Variants in FGF12 observed in about 807,000 individuals in gnomAD.
The protein encoded by FGF12 is fibroblast growth factor 12.
FGF12 carries 14 observed loss-of-function variants against 23.6 expected under a neutral mutation model. That is an observed-to-expected ratio of 0.59 (90% confidence interval 0.39 to 0.93). FGF12 has a LOEUF of 0.93. Ranked by LOEUF, FGF12 falls within the 40% of genes least tolerant of loss-of-function variation. The pLI, the probability that FGF12 is intolerant of heterozygous loss-of-function variation, is 0.00. For synonymous variants in FGF12, 62 were observed against 77.3 expected, an observed-to-expected ratio of 0.80 and a Z score of 1.04; for missense variants, 175 against 217.8, an observed-to-expected ratio of 0.80 and a Z score of 1.24.
intron 2 of FGF12, among the ~76,000 whole-genome samples, chr3:192,620,547 G>A (rs1324451123): frequency 6.6e-6 from 1 of 152,148 alleles, no homozygotes; most frequent in Non-Finnish European, 1.5e-5. Flanking sequence ...CCAACCTGCT[G>A]CCCAAGCTTC....
chr3:192,414,080 G>T (rs1206419668), intron 2 of FGF12, among the ~76,000 whole-genome samples: 1 of 152,116 alleles, frequency 6.6e-6, no homozygotes, highest in African/African-American at 2.4e-5. Context: ...ACAGAAAAGA[G>T]AACAGATTTA....
At chr3:192,498,863 G>A (rs1160275265) in intron 2 of FGF12, among the ~76,000 whole-genome samples, 1 of 152,210 alleles carries the variant, frequency 6.6e-6, no homozygotes, top group African/African-American at 2.4e-5. Context: ...AACACAGACT[G>A]AAAAGTTTCT....
chr3:192,323,982 C>T (rs1173185661), intron 4 of FGF12, among the ~76,000 whole-genome samples: 1 of 151,952 alleles, frequency 6.6e-6, no homozygotes, highest in Non-Finnish European at 1.5e-5. Flanking sequence ...GTCCCTGCTA[C>T]TTGGGAGGCT....
intron 4 of FGF12, among the ~76,000 whole-genome samples, chr3:192,311,538 T>A (rs976482803): frequency 6.6e-6 from 1 of 152,186 alleles, no homozygotes; most frequent in Non-Finnish European, 1.5e-5. Flanking sequence ...ATTTATCCAT[T>A]CATCAGTTGA....
chr3:192,256,434 A>G (rs1712398127), intron 4 of FGF12, among the ~76,000 whole-genome samples: 1 of 151,650 alleles, frequency 6.6e-6, no homozygotes, highest in Admixed American at 6.6e-5. Flanking sequence ...AGATATTTAC[A>G]TATTTTATGT....
In FGF12 at chr3:192,471,719, G is replaced by A. The variant is rs117863795; in HGVS notation, c.14-111181C>T. Among the ~76,000 whole-genome samples the A allele has an allele frequency of 6.6e-5, 10 of 152,304 alleles. No homozygotes were observed. In the East Asian group the frequency reaches 1.9e-3, roughly 29 times the overall value. ...CTCAAAGTGAGCTGGGATATTCTGA[G>A]CCATGGCTAATTTATGCTCAAAATG... is the stretch of plus-strand genomic sequence containing the variant. On this transcript the variant is annotated intron_variant, in intron 2 of 5. Coordinates refer to ENST00000445105, the MANE Select transcript of FGF12 (RefSeq NM_004113.6).
chr3:192,459,596 C>G (rs943935409), intron 2 of FGF12, among the ~76,000 whole-genome samples: 2 of 152,106 alleles, frequency 1.3e-5, no homozygotes, highest in African/African-American at 4.8e-5. Flanking sequence ...AAAAACAAGG[C>G]ATCATTCTGC....
chr3:192,519,265 A>G (rs1436155324), intron 2 of FGF12, among the ~76,000 whole-genome samples: 2 of 152,206 alleles, frequency 1.3e-5, no homozygotes, highest in African/African-American at 4.8e-5. Flanking sequence ...TCAATCTGTG[A>G]TGGTCCCTCA....
Position 192,140,576 on chromosome 3 carries a change from CTCTTG to C in FGF12, c.*3428_*3432del, listed in dbSNP as rs751718269. 1 of 152,000 alleles carries C rather than the reference CTCTTG, an allele frequency of 6.6e-6. No homozygotes were observed. The highest frequency in any genetic ancestry group is 2.4e-5 in the African/African-American group (1 of 41,428). The allele number at this position is 152,000 out of a possible 1,614,324, so 9.4% of individuals were successfully genotyped here. On this transcript the variant is annotated 3_prime_UTR_variant, in exon 6 of 6. Transcript: ENST00000445105. ...ACCTTTAAGTCTTTCCTTGTCCTTACTCTTGTCTTAATACTCTCATCTCCCACTAG... is the reference window on the plus strand; with the variant it reads ...ACCTTTAAGTCTTTCCTTGTCCTTACTCTTAATACTCTCATCTCCCACTAG...
intron 2 of FGF12, among the ~76,000 whole-genome samples, chr3:192,445,102 G>A (rs1429478683): frequency 6.6e-6 from 1 of 152,234 alleles, no homozygotes; most frequent in Non-Finnish European, 1.5e-5. Flanking sequence ...CTTTCCTGAA[G>A]AATCTCTTCT....
intron 2 of FGF12, among the ~76,000 whole-genome samples, chr3:192,420,202 G>A (rs1020739625): frequency 3.3e-5 from 5 of 152,060 alleles, no homozygotes; most frequent in Non-Finnish European, 5.9e-5. Flanking sequence ...GAAAATGGTC[G>A]GGGGTGGAAA....
At chr3:192,388,492 T>C (rs1214006350) in intron 2 of FGF12, among the ~76,000 whole-genome samples, 1 of 151,942 alleles carries the variant, frequency 6.6e-6, no homozygotes, top group Non-Finnish European at 1.5e-5. Flanking sequence ...AATTATTTGC[T>C]AGATATTTTC....
At chr3:192,276,415 T>C (rs1035744561) in intron 4 of FGF12, among the ~76,000 whole-genome samples, 2 of 152,230 alleles carry the variant, frequency 1.3e-5, no homozygotes, top group African/African-American at 4.8e-5. Context: ...GACAAGGTTT[T>C]AGAGTGTAGA....
chr3:192,312,688 C>T (rs553945626), intron 4 of FGF12, among the ~76,000 whole-genome samples: 35 of 150,554 alleles, frequency 2.3e-4, no homozygotes, highest in South Asian at 6.3e-4. Context: ...TGGAGCTTGC[C>T]GTGAGCCGAG....
At chr3:192,210,712 A>G (rs1308534649) in intron 4 of FGF12, among the ~76,000 whole-genome samples, 1 of 149,986 alleles carries the variant, frequency 6.7e-6, no homozygotes, top group African/African-American at 2.5e-5. Context: ...AGTCTTTACC[A>G]TCGCGGAGCT....
rs190520293 is a variant in FGF12 at position 192,593,663 on chromosome 3, G to A, written c.13+133518C>T. 3.1e-3 allele frequency among the ~76,000 whole-genome samples: 464 copies of A among 151,946 alleles called. 9 individuals carry two copies. The highest frequency in any genetic ancestry group is 1.3e-3 in the Non-Finnish European group (88 of 67,900). On this transcript the variant is annotated intron_variant, in intron 2 of 5. Transcript: ENST00000445105. ...TTGGAACTAAACAAACAAACGAACCGAAAAACAATCTCACAAGAAGCCTGC... is the reference window on the plus strand; with the variant it reads ...TTGGAACTAAACAAACAAACGAACCAAAAAACAATCTCACAAGAAGCCTGC...
intron 2 of FGF12, among the ~76,000 whole-genome samples, chr3:192,391,008 A>G (rs1390481256): frequency 6.6e-6 from 1 of 152,234 alleles, no homozygotes; most frequent in Non-Finnish European, 1.5e-5. Context: ...AATTTGGATG[A>G]GGAGCTCAGA....
chr3:192,571,982 G>C (rs6781345), intron 2 of FGF12, among the ~76,000 whole-genome samples: 12,494 of 149,572 alleles, frequency 0.084, 1,474 homozygotes, highest in African/African-American at 0.26. Context: ...ATATACGAGT[G>C]TTAGCAATCC....
chr3:192,144,743 TATCTATATAAA>T (rs1363280982), intron 5 of FGF12, among the ~76,000 whole-genome samples: 3 of 152,254 alleles, frequency 2.0e-5, no homozygotes, highest in African/African-American at 7.2e-5. Flanking sequence ...CTTCAGTTCA[TATCTATATAAA>T]CCGTTCTTTT....
Sources: allele counts gnomAD v4.1 joint callset (sites outside exome capture counted in the v4.1 genomes callset), GRCh38; gene constraint gnomAD v4.1.1; transcripts MANE v1.5; gene names NCBI Gene and HGNC (gene_info 2026-07-23, HGNC 2026-07-21).